PTPRG: variants seen among roughly 807,000 people sequenced by gnomAD.
PTPRG encodes protein tyrosine phosphatase receptor type G.
Under a neutral mutation model 165.3 loss-of-function variants are expected in PTPRG, and 102 were observed. The ratio of observed to expected loss-of-function variants is 0.62; its 90% CI spans 0.53 to 0.73. The LOEUF is 0.73. Among genes scored for constraint, PTPRG ranks in the 30% least tolerant of loss-of-function variants. The pLI, the probability that PTPRG is intolerant of heterozygous loss-of-function variation, is 0.00. For synonymous variants in PTPRG, 675 were observed against 669.5 expected, an observed-to-expected ratio of 1.01 and a Z score of -0.13; for missense variants, 1,866 against 1,861.4, an observed-to-expected ratio of 1.00 and a Z score of -0.05.
At chr3:62,150,329 C>T (rs1315928493) in intron 6 of PTPRG, among the ~76,000 whole-genome samples, 2 of 152,206 alleles carry the variant, frequency 1.3e-5, no homozygotes, top group African/African-American at 4.8e-5. Context: ...GTGAATGAGG[C>T]TGCACAGGAT....
Position 62,218,945 on chromosome 3 carries a change from G to A in PTPRG, c.2250G>A (p.Val750=), listed in dbSNP as rs150064339. Residue 750 remains valine, a synonymous_variant, in exon 13 of 30, where the codon GTG becomes GTA. Coordinates refer to ENST00000474889, the MANE Select transcript of PTPRG (RefSeq NM_002841.4). ...TTGTGGTATCAGCCTTGACCTTCGT[G>A]TGCCTCATCCTTCTCATTGCTGTGC... ...PLIVVSALTF[V]CLILLIAVLV... is the part of the protein sequence containing the mutation. 186 of 1,614,160 alleles carry A rather than the reference G, an allele frequency of 1.2e-4. 1 individual carries two copies. In the African/African-American group the frequency reaches 2.4e-3, roughly 21 times the overall value.
chr3:61,970,009 T>C (rs1391603894), intron 2 of PTPRG, among the ~76,000 whole-genome samples: 1 of 152,236 alleles, frequency 6.6e-6, no homozygotes, highest in African/African-American at 2.4e-5. Context: ...GTGAGGCAGA[T>C]CAATCTTCAG....
rs780608111 is a variant in PTPRG at position 62,003,342 on chromosome 3, C to G, written c.371-7C>G. 1 of 1,609,898 alleles carries G rather than the reference C, an allele frequency of 6.2e-7. No homozygotes were observed. The highest frequency in any genetic ancestry group is 1.3e-5 in the African/African-American group (1 of 74,670). On this transcript the variant is annotated splice_polypyrimidine_tract_variant and splice_region_variant and intron_variant, in intron 3 of 29. Transcript: ENST00000474889. ...TGTTTTCCTCTCTTCTCATTTGTTTCACACAGTCGCCATCCTTCTGAAAGA... is the reference window on the plus strand; with the variant it reads ...TGTTTTCCTCTCTTCTCATTTGTTTGACACAGTCGCCATCCTTCTGAAAGA...
At chr3:62,275,488 C>T (rs988797054) in intron 23 of PTPRG, among the ~76,000 whole-genome samples, 2 of 152,144 alleles carry the variant, frequency 1.3e-5, no homozygotes, top group Non-Finnish European at 2.9e-5. Flanking sequence ...ATCAAGGTCA[C>T]TGAGAGAAGT....
At chr3:62,048,658 G>A (rs1391425353) in intron 4 of PTPRG, among the ~76,000 whole-genome samples, 1 of 152,182 alleles carries the variant, frequency 6.6e-6, no homozygotes, top group Non-Finnish European at 1.5e-5. Flanking sequence ...ATGAACACTT[G>A]TATACGGAGA....
chr3:61,926,899 GA>G (rs145335755), intron 2 of PTPRG, among the ~76,000 whole-genome samples: 1 of 151,198 alleles, frequency 6.6e-6, no homozygotes, highest in African/African-American at 2.4e-5. Flanking sequence ...AAACAAAAAC[GA>G]AAAAAACAGT....
intron 2 of PTPRG, among the ~76,000 whole-genome samples, chr3:61,830,317 C>T (rs897801140): frequency 2.6e-5 from 4 of 152,008 alleles, no homozygotes; most frequent in African/African-American, 7.2e-5. Flanking sequence ...ACTCTGTTGT[C>T]GTGGAAGAAT....
At chr3:61,961,339 T>A (rs1308569357) in intron 2 of PTPRG, among the ~76,000 whole-genome samples, 1 of 152,176 alleles carries the variant, frequency 6.6e-6, no homozygotes, top group Non-Finnish European at 1.5e-5. Context: ...TAGGGACAGG[T>A]GTGTATGCAG....
chr3:62,275,366 A>G (rs888147507), intron 23 of PTPRG, among the ~76,000 whole-genome samples: 5 of 152,220 alleles, frequency 3.3e-5, no homozygotes, highest in Non-Finnish European at 7.3e-5. Flanking sequence ...GATCACAGAA[A>G]AAAATTCACA....
At chr3:62,028,843 C>T (rs1193747287) in intron 4 of PTPRG, among the ~76,000 whole-genome samples, 1 of 152,208 alleles carries the variant, frequency 6.6e-6, no homozygotes, top group Non-Finnish European at 1.5e-5. Context: ...CTGCTGTAGA[C>T]AGCTTCTCTT....
At chr3:62,204,997 T>C (rs1700192927) in intron 12 of PTPRG, among the ~76,000 whole-genome samples, 1 of 151,976 alleles carries the variant, frequency 6.6e-6, no homozygotes, top group African/African-American at 2.4e-5. Flanking sequence ...GTTGTGGAGT[T>C]ATAAGAGTGC....
intron 2 of PTPRG, among the ~76,000 whole-genome samples, chr3:61,817,059 TATATAATAC>T (rs1313659621): frequency 7.5e-6 from 1 of 133,968 alleles, no homozygotes; most frequent in East Asian, 2.0e-4. Flanking sequence ...TTATATATAA[TATATAATAC>T]ATATATTATA....
intron 1 of PTPRG, among the ~76,000 whole-genome samples, chr3:61,663,881 T>C (rs992027618): frequency 6.6e-6 from 1 of 152,136 alleles, no homozygotes; most frequent in Non-Finnish European, 1.5e-5. Flanking sequence ...CAGGCAGTAA[T>C]GCTCTCTTGC....
At position 61,867,426 on chromosome 3, in the gene PTPRG, A is replaced by C. The variant is rs1296700017; in HGVS notation, c.190+118444A>C. ...GTAGCTGAAGTTGATCACCATTCCA[A>C]GGCGAGTCTTTTCCCCTCTCTTCTT... On this transcript the variant is annotated intron_variant, in intron 2 of 29. Coordinates refer to ENST00000474889, the MANE Select transcript of PTPRG (RefSeq NM_002841.4). Among the ~76,000 whole-genome samples the C allele has an allele frequency of 2.0e-5, 3 of 152,322 alleles. No individual in the cohort carries two copies. In the East Asian group the frequency reaches 5.8e-4, roughly 29 times the overall value.
At chr3:62,069,684 T>TCTCTCTCTCA (rs542306888) in intron 4 of PTPRG, among the ~76,000 whole-genome samples, 4 of 145,058 alleles carry the variant, frequency 2.8e-5, no homozygotes, top group East Asian at 2.2e-4. Flanking sequence ...TCTCTCTCTC[T>TCTCTCTCTCA]CACACACAGA....
Position 61,838,099 on chromosome 3 carries a change from G to A in PTPRG, c.190+89117G>A, listed in dbSNP as rs112806117. ...GAGGCACAATTAAGTTCACAACACC[G>A]GGATGGTTAAACAACTGCCCTGAGA... On this transcript the variant is annotated intron_variant, in intron 2 of 29. Transcript: ENST00000474889. Among the ~76,000 whole-genome samples, 91 of 152,296 alleles carry A rather than the reference G, an allele frequency of 6.0e-4. 1 individual carries two copies. Among genetic ancestry groups the A allele is most frequent in the Middle Eastern group, 6.8e-3 (2 of 294 alleles).
intron 1 of PTPRG, among the ~76,000 whole-genome samples, chr3:61,718,298 T>C (rs2031903913): frequency 6.6e-6 from 1 of 151,904 alleles, no homozygotes; most frequent in Admixed American, 6.6e-5. Context: ...ATCATTGACA[T>C]TGCTTTAGTT....
intron 1 of PTPRG, among the ~76,000 whole-genome samples, chr3:61,652,969 T>G (rs2106991126): frequency 6.6e-6 from 1 of 152,134 alleles, no homozygotes; most frequent in Non-Finnish European, 1.5e-5. Flanking sequence ...GAGTGGAGAT[T>G]TACACTACAA....
At chr3:61,869,579 CTCCCT>C (rs1007944562) in intron 2 of PTPRG, among the ~76,000 whole-genome samples, 10 of 151,758 alleles carry the variant, frequency 6.6e-5, no homozygotes, top group Middle Eastern at 3.4e-3. Context: ...CTCCCCTCCC[CTCCCT>C]TCACCTCTTT....
Sources: gnomAD v4.1 joint callset for allele counts (sites outside exome capture counted in the v4.1 genomes callset) on GRCh38, gnomAD v4.1.1 for gene constraint, MANE v1.5 for transcripts, NCBI Gene and HGNC (gene_info 2026-07-23, HGNC 2026-07-21) for gene names.